Variants in DENND1B observed in about 807,000 individuals in gnomAD.
The protein encoded by DENND1B is DENN domain-containing protein 1B.
DENND1B carries 59 observed loss-of-function variants against 90.1 expected under a neutral mutation model. The ratio of observed to expected loss-of-function variants is 0.65; its 90% CI spans 0.53 to 0.81. DENND1B has a LOEUF of 0.81. DENND1B is among the 40% of genes least tolerant of loss of function. The pLI is 0.00. For synonymous variants in DENND1B, 337 were observed against 324.6 expected, an observed-to-expected ratio of 1.04 and a Z score of -0.41; for missense variants, 862 against 912.6, an observed-to-expected ratio of 0.94 and a Z score of 0.71.
At chr1:197,756,575 C>CAAAAAA (rs57605617) in intron 2 of DENND1B, among the ~76,000 whole-genome samples, 5 of 53,962 alleles carry the variant, frequency 9.3e-5, no homozygotes, top group East Asian at 5.7e-4. Context: ...GTCTCCATCT[C>CAAAAAA]AAAAAAAAAA....
intron 10 of DENND1B, among the ~76,000 whole-genome samples, chr1:197,618,410 T>C (rs924879861): frequency 3.3e-5 from 5 of 151,262 alleles, no homozygotes; most frequent in Non-Finnish European, 7.4e-5. Flanking sequence ...CATAATTTCA[T>C]ATTTAAACTG....
intron 2 of DENND1B, among the ~76,000 whole-genome samples, chr1:197,733,476 A>G (rs1662338887): frequency 6.6e-6 from 1 of 152,144 alleles, no homozygotes. Context: ...TTCACCTTCC[A>G]GGAAAGTTTT....
chr1:197,540,564 A>G (rs1019170089), intron 19 of DENND1B, among the ~76,000 whole-genome samples: 1 of 152,152 alleles, frequency 6.6e-6, no homozygotes, highest in Non-Finnish European at 1.5e-5. Context: ...ATTTTAAAGT[A>G]ACTACTATTG....
intron 13 of DENND1B, among the ~76,000 whole-genome samples, chr1:197,601,287 C>A (rs1394198146): frequency 6.6e-6 from 1 of 151,628 alleles, no homozygotes; most frequent in Non-Finnish European, 1.5e-5. Context: ...ATGCACAATT[C>A]TACATTTATT....
At chr1:197,606,944 T>C (rs1384026280) in intron 13 of DENND1B, 129 bp downstream of exon 13, 3 of 655,146 alleles carry the variant, frequency 4.6e-6, no homozygotes, top group Non-Finnish European at 7.9e-6. Context: ...TCAACATTGA[T>C]TTCTCTCACA....
chr1:197,706,901 T>C (rs1659590427), intron 3 of DENND1B, among the ~76,000 whole-genome samples: 1 of 152,150 alleles, frequency 6.6e-6, no homozygotes, highest in Non-Finnish European at 1.5e-5. Context: ...AGAACTATCA[T>C]ATGATCCAGC....
intron 15 of DENND1B, among the ~76,000 whole-genome samples, chr1:197,565,735 C>A (rs1367473708): frequency 6.7e-6 from 1 of 149,492 alleles, no homozygotes; most frequent in Non-Finnish European, 1.5e-5. Flanking sequence ...TGAGAATATG[C>A]AGTGTTTGGT....
rs773238400 is a variant in DENND1B, at chr1:197,545,909, C to A, written c.1350+13G>T. 23 of 1,590,300 alleles carry A rather than the reference C, an allele frequency of 1.4e-5. No homozygotes were observed. The highest frequency in any genetic ancestry group is 1.9e-5 in the Non-Finnish European group (22 of 1,172,032). ...TTTCATAAATAGGATTGTTAAATAT[C>A]AAAAAAACTTACAAATTTATATGCT... On this transcript the variant is annotated intron_variant, in intron 18 of 22. Transcript: ENST00000620048.
chr1:197,511,841 G>T lies in DENND1B; in HGVS notation c.1702C>A (p.Leu568Ile). 6.2e-7 allele frequency: 1 copy of T among 1,611,528 alleles called. No individual in the cohort carries two copies. The highest frequency in any genetic ancestry group is 1.1e-5 in the South Asian group (1 of 90,948). Residue 568 changes from leucine (L) to isoleucine (I), a missense_variant, in exon 22 of 23, where the codon CTA (leucine) becomes ATA (isoleucine). Coordinates refer to ENST00000620048, the MANE Select transcript of DENND1B (RefSeq NM_001195215.2). Reference sequence around the variant, plus strand: ...CTCAATGTATCAAGAATCTCTCCTAGTAAGTCCATTTCACCTGAGTAAGGA... The same window carrying T: ...CTCAATGTATCAAGAATCTCTCCTATTAAGTCCATTTCACCTGAGTAAGGA... The part of the protein sequence containing the change: ...KTPYSGEMDL[L>I]GEILDTLSTH...
chr1:197,658,876 T>TA (rs1231428818), intron 5 of DENND1B, among the ~76,000 whole-genome samples: 2 of 150,934 alleles, frequency 1.3e-5, no homozygotes, highest in Non-Finnish European at 3.0e-5. Context: ...CTAAAAATTA[T>TA]AAAAAATTTT....
chr1:197,573,479 G>A (rs555062497), intron 15 of DENND1B, among the ~76,000 whole-genome samples: 50 of 152,166 alleles, frequency 3.3e-4, no homozygotes, highest in African/African-American at 1.2e-3. Context: ...CAACCAAAAA[G>A]AGTCCAGGAC....
intron 2 of DENND1B, chr1:197,747,125 A>G (rs1293827090): frequency 2.6e-6 from 2 of 769,838 alleles, no homozygotes; most frequent in Non-Finnish European, 4.7e-6. Context: ...TCATTCCTCA[A>G]TTTATCTTTT....
intron 15 of DENND1B, among the ~76,000 whole-genome samples, chr1:197,557,822 T>G (rs890371570): frequency 6.6e-5 from 10 of 151,858 alleles, no homozygotes; most frequent in African/African-American, 2.4e-4. Context: ...TATACCACTT[T>G]AATAACTCTG....
At chr1:197,554,732 C>T (rs1485618204) in intron 15 of DENND1B, among the ~76,000 whole-genome samples, 1 of 149,302 alleles carries the variant, frequency 6.7e-6, no homozygotes, top group Non-Finnish European at 1.5e-5. Flanking sequence ...GTCCCAGCTA[C>T]TCAAGTGGCT....
At chr1:197,593,149 T>C (rs1216740867) in intron 14 of DENND1B, among the ~76,000 whole-genome samples, 1 of 151,906 alleles carries the variant, frequency 6.6e-6, no homozygotes, top group Non-Finnish European at 1.5e-5. Context: ...TAATAAATTA[T>C]GATACAAGTA....
intron 15 of DENND1B, among the ~76,000 whole-genome samples, chr1:197,564,196 AAAG>A (rs1253221928): frequency 6.6e-6 from 1 of 151,894 alleles, no homozygotes; most frequent in African/African-American, 2.4e-5. Context: ...TCCAATTTTG[AAAG>A]AAGTTCTACT....
intron 2 of DENND1B, among the ~76,000 whole-genome samples, chr1:197,765,226 G>A (rs1655557943): frequency 6.6e-6 from 1 of 152,166 alleles, no homozygotes; most frequent in Admixed American, 6.5e-5. Flanking sequence ...ACTTTCTATA[G>A]ATAAAATTAA....
chr1:197,752,825 C>G (rs1477322834), intron 2 of DENND1B, among the ~76,000 whole-genome samples: 1 of 151,882 alleles, frequency 6.6e-6, no homozygotes, highest in African/African-American at 2.4e-5. Context: ...GTGATGTTCC[C>G]CACCCTGTGT....
chr1:197,636,048 A>G (rs1679761496), intron 10 of DENND1B, among the ~76,000 whole-genome samples: 1 of 152,090 alleles, frequency 6.6e-6, no homozygotes, highest in Non-Finnish European at 1.5e-5. Context: ...GACTATAAGT[A>G]ATCGAAAAAC....
Sources: gnomAD v4.1 joint callset for allele counts (sites outside exome capture counted in the v4.1 genomes callset) on GRCh38, gnomAD v4.1.1 for gene constraint, MANE v1.5 for transcripts, NCBI Gene and HGNC (gene_info 2026-07-23, HGNC 2026-07-21) for gene names.